Variants in PTRH1 observed in about 807,000 individuals in gnomAD.
PTRH1 encodes the protein peptidyl-tRNA hydrolase 1 homolog, also known as peptidyl-tRNA hydrolase.
Under a neutral mutation model 15.7 loss-of-function variants are expected in PTRH1, and 13 were observed. The observed-to-expected ratio is 0.83, with a 90% CI of 0.54 to 1.31. The LOEUF (loss-of-function observed/expected upper bound fraction) is 1.31, where lower values mean the gene tolerates loss of function less well. Ranked by LOEUF, PTRH1 falls within the 40% of genes most tolerant of loss-of-function variation. The pLI is 0.00. For synonymous variants in PTRH1, 139 were observed against 136.7 expected (o/e 1.02, Z -0.12); for missense variants, 319 against 296.2 (o/e 1.08, Z -0.56).
At chr9:127,695,814 A>G (rs1432906119) in intron 1 of PTRH1, 1 of 152,236 alleles carries the variant, frequency 6.6e-6, no homozygotes, top group Non-Finnish European at 1.5e-5. Flanking sequence ...CGGCACTTCA[A>G]AACCTCATAA....
chr9:127,702,968 G>T (rs916752335), intron 1 of PTRH1, among the ~76,000 whole-genome samples: 3 of 150,064 alleles, frequency 2.0e-5, no homozygotes, highest in African/African-American at 4.9e-5. Context: ...TGATCCACCC[G>T]CCTCGGCCTC....
At position 127,715,145 on chromosome 9, in the gene PTRH1, C is replaced by A. The variant is rs1464113406; in HGVS notation, c.146G>T (p.Gly49Val). 3.3e-6 allele frequency: 5 copies of A among 1,537,152 alleles called. No individual in the cohort carries two copies. The highest frequency in any genetic ancestry group is 1.4e-5 in the African/African-American group (1 of 73,032). Residue 49 changes from glycine to valine, a missense_variant, in exon 2 of 5, where the codon GGC (glycine) becomes GTC (valine). Gly to Val is a moderately radical substitution (Grantham distance 109, BLOSUM62 -3). Transcript: ENST00000543175. This position sits in a 1 kb window ranked among gnomAD's most constrained non-coding sequence, Gnocchi z 5.8. Reference protein sequence around the residue: ...PGLPGTRHSVGMAVLGQLARR... With the variant: ...PGLPGTRHSVVMAVLGQLARR... ...CGCCAGCTGCCCCAGCACCGCCATG[C>A]CCACGCTGTGTCGCGTGCCGGGCAG...
downstream of PTRH1, chr9:127,710,869 C>T: frequency 8.3e-7 from 1 of 1,209,114 alleles, no homozygotes; most frequent in Non-Finnish European, 1.2e-6. Flanking sequence ...AAACTGACCG[C>T]CGCCCCGACA....
At position 127,715,266 on chromosome 9, in the gene PTRH1, C is replaced by G; in HGVS notation, c.97-72G>C. 6.8e-7 allele frequency: 1 copy of G among 1,476,556 alleles called. No individual in the cohort carries two copies. 91.5% of individuals were successfully genotyped at this position (1,476,556 alleles called of 1,614,324 possible). A position where few individuals can be genotyped will look rare whatever the true frequency, so the allele number is the denominator to read the frequency against. Reference sequence around the variant, plus strand: ...CCCGATCTCACAGCGTCCCGTGGGCCCCAACGCAGAGGAGCGGAAACGCAG... The same window carrying G: ...CCCGATCTCACAGCGTCCCGTGGGCGCCAACGCAGAGGAGCGGAAACGCAG... On this transcript the variant is annotated intron_variant, in intron 1 of 4. Transcript: ENST00000543175. This position sits in a 1 kb window ranked among gnomAD's most constrained non-coding sequence, Gnocchi z 5.8.
intron 2 of PTRH1, among the ~76,000 whole-genome samples, chr9:127,694,211 C>T (rs898274198): frequency 3.9e-5 from 6 of 152,054 alleles, no homozygotes; most frequent in African/African-American, 1.4e-4. Flanking sequence ...GGATTACAGG[C>T]GTGAGCTACT....
intron 1 of PTRH1, among the ~76,000 whole-genome samples, chr9:127,697,032 T>C (rs1017641143): frequency 2.0e-5 from 3 of 152,120 alleles, no homozygotes; most frequent in South Asian, 2.1e-4. Context: ...AAAAATTGGA[T>C]TTTCCTGGGC....
chr9:127,701,868 C>T (rs142016799), intron 1 of PTRH1, among the ~76,000 whole-genome samples: 5 of 151,206 alleles, frequency 3.3e-5, no homozygotes, highest in African/African-American at 1.2e-4. Flanking sequence ...GAGCCAAGAT[C>T]GCACCATTGC....
intron 1 of PTRH1, chr9:127,707,320 A>C (rs1208843385): frequency 1.1e-6 from 1 of 945,354 alleles, no homozygotes; most frequent in Non-Finnish European, 1.5e-6. Flanking sequence ...TCCAGACCCC[A>C]TCCCGACCCC....
downstream of PTRH1, chr9:127,710,802 G>A (rs1842748946): frequency 6.5e-7 from 1 of 1,544,988 alleles, no homozygotes; most frequent in East Asian, 2.4e-5. Context: ...TTCATCCCTG[G>A]GGCTACGAAC....
rs371522646 is a variant in PTRH1 at position 127,697,238 on chromosome 9, T to TTCTA, written c.206-2101_206-2098dup. On this transcript the variant is annotated intron_variant, in intron 1 of 2. Coordinates refer to the PTRH1 transcript ENST00000335223. ...TCCAGACCAAGCACTAAAGAAGACA[T>TTCTA]TCTAGAATGAAACTGATGAATTCCA... Among the ~76,000 whole-genome samples, 485 of 152,286 alleles carry TTCTA rather than the reference T, an allele frequency of 3.2e-3. 5 individuals carry two copies. The highest frequency in any genetic ancestry group is 0.011 in the African/African-American group (464 of 41,562).
chr9:127,701,048 A>G (rs534745456), intron 1 of PTRH1, among the ~76,000 whole-genome samples: 1 of 152,358 alleles, frequency 6.6e-6, no homozygotes, highest in East Asian at 1.9e-4. Context: ...TTTGTTCAAT[A>G]TGCATGTGTC....
intron 1 of PTRH1, among the ~76,000 whole-genome samples, chr9:127,701,603 T>C (rs1259881110): frequency 6.6e-6 from 1 of 152,154 alleles, no homozygotes; most frequent in East Asian, 1.9e-4. Context: ...CCCAATCTAC[T>C]TGAAATCTTT....
At chr9:127,713,186 C>T (rs750433288), downstream of PTRH1, 8 of 1,561,004 alleles carry the variant, frequency 5.1e-6, no homozygotes, top group African/African-American at 2.7e-5. Flanking sequence ...GGGGACCTTC[C>T]GGGCACACAG....
At chr9:127,713,347 A>C (rs2131594144), downstream of PTRH1, 1 of 682,628 alleles carries the variant, frequency 1.5e-6, no homozygotes, top group East Asian at 3.0e-5. Flanking sequence ...AATGGGCTGA[A>C]GAAAGGAGTG....
At position 127,713,916 on chromosome 9, in the gene PTRH1, G is replaced by C. The variant is rs1245471652; in HGVS notation, c.*184C>G. The C allele has an allele frequency of 6.2e-7, 1 of 1,612,806 alleles. No homozygotes were observed. Among genetic ancestry groups the C allele is most frequent in the Admixed American group, 1.7e-5 (1 of 60,014 alleles). Reference sequence around the variant, plus strand: ...CTACGTCCCAAGTAGGACACAGAGAGAAGAACCTACTCCAGAAATGGACTG... The same window carrying C: ...CTACGTCCCAAGTAGGACACAGAGACAAGAACCTACTCCAGAAATGGACTG... On this transcript the variant is annotated 3_prime_UTR_variant, in exon 5 of 5. Transcript: ENST00000543175.
At chr9:127,703,347 G>A (rs1842618025) in intron 1 of PTRH1, among the ~76,000 whole-genome samples, 1 of 152,056 alleles carries the variant, frequency 6.6e-6, no homozygotes, top group South Asian at 2.1e-4. Flanking sequence ...CTGGGAAGCT[G>A]AGGCAGGAGA....
chr9:127,697,973 A>G (rs1164841116), intron 1 of PTRH1, among the ~76,000 whole-genome samples: 1 of 152,260 alleles, frequency 6.6e-6, no homozygotes. Flanking sequence ...CTACAATCCA[A>G]GGACACAATC....
chr9:127,694,826 C>G lies in PTRH1; in HGVS notation c.420+101G>C, dbSNP rs1405999175. On this transcript the variant is annotated intron_variant, in intron 2 of 2. Coordinates refer to the PTRH1 transcript ENST00000335223. ...CTGCTCCTCCAAGGATATTTAACACCGTTGGAGACTTTTAGCAGTGGCCTG... is the reference window on the plus strand; with the variant it reads ...CTGCTCCTCCAAGGATATTTAACACGGTTGGAGACTTTTAGCAGTGGCCTG... The G allele has an allele frequency of 2.7e-5, 16 of 599,908 alleles. No individual in the cohort carries two copies. In the East Asian group the frequency reaches 3.9e-4, roughly 15 times the overall value. The allele number at this position is 599,908 out of a possible 1,614,324, so 37.2% of individuals were successfully genotyped here. A position where few individuals can be genotyped will look rare whatever the true frequency, so the allele number is the denominator to read the frequency against.
downstream of PTRH1, chr9:127,709,488 G>A (rs1842714859): frequency 1.2e-5 from 20 of 1,614,066 alleles, no homozygotes; most frequent in Non-Finnish European, 1.7e-5. The surrounding 1 kb of genome is among the most constrained non-coding windows in gnomAD (Gnocchi z 4.7). Context: ...TTGAGCAGCT[G>A]GCCAATAACA....
Sources: gnomAD v4.1 joint callset for allele counts (sites outside exome capture counted in the v4.1 genomes callset) on GRCh38, gnomAD v4.1.1 for gene constraint, Gnocchi (gnomAD v3.1) non-coding constraint, MANE v1.5 for transcripts, NCBI Gene and HGNC (gene_info 2026-07-23, HGNC 2026-07-21) for gene names.